Variants in SHANK2 observed in about 807,000 individuals in gnomAD.
The protein encoded by SHANK2 is SH3 and multiple ankyrin repeat domains 2.
A neutral mutation model predicts 133.7 loss-of-function variants in SHANK2; 43 were observed. The ratio of observed to expected loss-of-function variants is 0.32; its 90% CI spans 0.25 to 0.41. The LOEUF (loss-of-function observed/expected upper bound fraction) is 0.41. Among genes scored for constraint, SHANK2 ranks in the 10% least tolerant of loss-of-function variants. The pLI, the probability that SHANK2 is intolerant of heterozygous loss-of-function variation, is 1.00. For missense variants in SHANK2, 1,994 were observed against 2,235.8 expected (o/e 0.89, Z 2.18); for synonymous variants, 1,017 against 952.8 (o/e 1.07, Z -1.24).
At chr11:70,513,094 A>C (rs2059223259) in intron 17 of SHANK2, among the ~76,000 whole-genome samples, 1 of 152,210 alleles carries the variant, frequency 6.6e-6, no homozygotes, top group South Asian at 2.1e-4. Flanking sequence ...GGCAGATTTT[A>C]GATGAGAGTT....
chr11:71,112,728 C>G (rs1485779645), intron 5 of SHANK2, among the ~76,000 whole-genome samples: 1 of 152,160 alleles, frequency 6.6e-6, no homozygotes, highest in East Asian at 1.9e-4. Flanking sequence ...AGCCCCCTCT[C>G]CACGCCTCCT....
At position 70,940,356 on chromosome 11, in the gene SHANK2, C is replaced by T. The variant is rs1950630748; in HGVS notation, c.1108-43789G>A. On this transcript the variant is annotated intron_variant, in intron 10 of 25. Coordinates refer to ENST00000601538, the MANE Select transcript of SHANK2 (RefSeq NM_012309.5). ...CTGCCTCCTGGGTTCAAGCGATTCT[C>T]CTGCCTTAGCCTCCTGAGTAGCTGG... Among the ~76,000 whole-genome samples, 3 of 151,676 alleles carry T rather than the reference C, an allele frequency of 2.0e-5. 1 individual carries two copies. The South Asian group carries it at 6.3e-4, about 32-fold the overall frequency.
At chr11:70,497,334 T>C (rs1456381839) in intron 21 of SHANK2, among the ~76,000 whole-genome samples, 4 of 152,216 alleles carry the variant, frequency 2.6e-5, no homozygotes, top group African/African-American at 9.6e-5. Context: ...GCTTAATTTA[T>C]AAAAGCTCAG....
At chr11:71,167,916 C>CA in intron 2 of SHANK2, among the ~76,000 whole-genome samples, 1 of 145,694 alleles carries the variant, frequency 6.9e-6, no homozygotes, top group South Asian at 2.2e-4. Flanking sequence ...GCTGTCCGGG[C>CA]GGGGGGCTGA....
intron 2 of SHANK2, among the ~76,000 whole-genome samples, chr11:71,209,818 G>A (rs1350838543): frequency 1.3e-5 from 2 of 152,088 alleles, no homozygotes; most frequent in African/African-American, 4.8e-5. Flanking sequence ...GATATACTGG[G>A]GGGTCTCTGC....
At chr11:70,755,001 G>C (rs1033044976) in intron 14 of SHANK2, among the ~76,000 whole-genome samples, 1 of 151,792 alleles carries the variant, frequency 6.6e-6, no homozygotes, top group African/African-American at 2.4e-5. Context: ...AACGATACTA[G>C]TAAAAGCAAG....
At chr11:70,741,285 A>G (rs1555034715) in intron 14 of SHANK2, among the ~76,000 whole-genome samples, 1 of 150,420 alleles carries the variant, frequency 6.6e-6, no homozygotes, top group Non-Finnish European at 1.5e-5. Flanking sequence ...CCATCCATTC[A>G]TCCATCCGTG....
At chr11:70,496,409 T>C (rs1591503235) in intron 21 of SHANK2, among the ~76,000 whole-genome samples, 2 of 152,320 alleles carry the variant, frequency 1.3e-5, no homozygotes, top group African/African-American at 4.8e-5. Flanking sequence ...CCGCCTCGAC[T>C]TCTCACATTC....
intron 3 of SHANK2, among the ~76,000 whole-genome samples, chr11:71,131,556 C>A (rs1252080415): frequency 2.0e-5 from 3 of 152,170 alleles, no homozygotes; most frequent in African/African-American, 7.2e-5. Context: ...GCCTGTCTGT[C>A]TCTGCTATTG....
At chr11:71,142,635 T>A (rs1952578611) in intron 3 of SHANK2, among the ~76,000 whole-genome samples, 1 of 151,988 alleles carries the variant, frequency 6.6e-6, no homozygotes, top group African/African-American at 2.4e-5. Context: ...ATCCCTGAAA[T>A]AAAGGATCCA....
intron 14 of SHANK2, among the ~76,000 whole-genome samples, chr11:70,776,582 T>A (rs1429711720): frequency 6.6e-6 from 1 of 152,124 alleles, no homozygotes; most frequent in Non-Finnish European, 1.5e-5. Context: ...AGGTTTACAA[T>A]AGGAAGGGAT....
chr11:70,862,995 C>T (rs1242071927), intron 11 of SHANK2: 1 of 307,596 alleles, frequency 3.3e-6, no homozygotes, highest in African/African-American at 2.2e-5. Context: ...GGGACATGGG[C>T]TAAAAGGTGT....
chr11:70,934,313 C>G (rs908895515), intron 10 of SHANK2, among the ~76,000 whole-genome samples: 2 of 151,742 alleles, frequency 1.3e-5, no homozygotes, highest in Admixed American at 6.6e-5. Context: ...GTAGTCACTT[C>G]CTGCCGCACA....
intron 15 of SHANK2, among the ~76,000 whole-genome samples, chr11:70,680,046 G>T (rs1555018037): frequency 6.6e-6 from 1 of 152,188 alleles, no homozygotes; most frequent in Admixed American, 6.5e-5. Flanking sequence ...TCTGAGAGAG[G>T]CGGCATTTCC....
chr11:71,246,142 G>C (rs1294023793), intron 1 of SHANK2, among the ~76,000 whole-genome samples: 1 of 152,022 alleles, frequency 6.6e-6, no homozygotes, highest in Non-Finnish European at 1.5e-5. Context: ...AGGCTTGGAA[G>C]CTCATTTCCC....
intron 13 of SHANK2, among the ~76,000 whole-genome samples, chr11:70,805,761 G>T (rs2135264607): frequency 6.6e-6 from 1 of 152,284 alleles, no homozygotes; most frequent in African/African-American, 2.4e-5. Context: ...AAACAGAAAA[G>T]CTAGCAAACA....
upstream of SHANK2, among the ~76,000 whole-genome samples, chr11:71,252,902 A>T (rs1011246382): frequency 1.8e-4 from 28 of 152,308 alleles, no homozygotes; most frequent in African/African-American, 6.7e-4. The surrounding 1 kb of genome is among the most constrained non-coding windows in gnomAD (Gnocchi z 6.3). Context: ...TGATTTTTGT[A>T]AAGTCCGGTT....
chr11:71,251,882 G>T (rs958304365), intron 1 of SHANK2, among the ~76,000 whole-genome samples: 1 of 151,920 alleles, frequency 6.6e-6, no homozygotes, highest in Non-Finnish European at 1.5e-5. Flanking sequence ...TGACCGCAGC[G>T]GGGTCTCGGG....
intron 11 of SHANK2, among the ~76,000 whole-genome samples, chr11:70,869,032 C>G (rs1240310844): frequency 5.3e-5 from 8 of 152,140 alleles, no homozygotes; most frequent in Non-Finnish European, 1.0e-4. Context: ...TAAAGTGAGG[C>G]CAGATGGGGC....
Sources: gnomAD v4.1 joint callset for allele counts (sites outside exome capture counted in the v4.1 genomes callset) on GRCh38, gnomAD v4.1.1 for gene constraint, Gnocchi (gnomAD v3.1) non-coding constraint, MANE v1.5 for transcripts, NCBI Gene and HGNC (gene_info 2026-07-23, HGNC 2026-07-21) for gene names.